Variants in CCDC30 observed in about 807,000 individuals in gnomAD.
CCDC30 encodes coiled-coil domain containing 30.
A neutral mutation model predicts 100.2 loss-of-function variants in CCDC30; 70 were observed. The observed-to-expected ratio is 0.70, with a 90% CI of 0.58 to 0.85. The LOEUF (loss-of-function observed/expected upper bound fraction) is 0.85, where lower values mean the gene tolerates loss of function less well. Ranked by LOEUF, CCDC30 falls within the 40% of genes least tolerant of loss-of-function variation. CCDC30 has a pLI of 0.00. For synonymous variants in CCDC30, 233 were observed against 269.5 expected (o/e 0.86, Z 1.33); for missense variants, 652 against 771.2 (o/e 0.85, Z 1.83).
chr1:42,516,834 T>C (rs990764986), intron 6 of CCDC30, among the ~76,000 whole-genome samples: 15 of 152,296 alleles, frequency 9.8e-5, no homozygotes, highest in African/African-American at 3.6e-4. Context: ...TAGTATCTCA[T>C]AGTGGTTTTG....
At chr1:42,484,550 G>A (rs1644019277) in intron 3 of CCDC30, among the ~76,000 whole-genome samples, 1 of 152,162 alleles carries the variant, frequency 6.6e-6, no homozygotes, top group Non-Finnish European at 1.5e-5. Context: ...TCCACAGTGA[G>A]TCTATTAGGA....
At position 42,518,639 on chromosome 1, in the gene CCDC30, T is replaced by A. The variant is rs141691409; in HGVS notation, c.456+19723T>A. Among the ~76,000 whole-genome samples, 98 of 152,296 alleles carry A rather than the reference T, an allele frequency of 6.4e-4. 1 individual carries two copies. The East Asian group carries it at 0.017, about 26-fold the overall frequency. ...TGTGTAATAGGATATACCATCTAGG[T>A]TTGTGTAAGTACATTCTATGATGTT... On this transcript the variant is annotated intron_variant, in intron 6 of 16. Transcript: ENST00000668663.
chr1:42,457,152 A>G, the CCDC30 span: 19 of 1,593,160 alleles, frequency 1.2e-5, no homozygotes, highest in East Asian at 1.3e-4. Context: ...CCTCCTGCTT[A>G]CCCACGGATC....
At chr1:42,553,181 T>A (rs1645289507) in intron 6 of CCDC30, among the ~76,000 whole-genome samples, 1 of 152,152 alleles carries the variant, frequency 6.6e-6, no homozygotes, top group African/African-American at 2.4e-5. Flanking sequence ...AGACTTTTGT[T>A]TGGACTTTTT....
chr1:42,456,394 T>C, the CCDC30 span: 1 of 764,614 alleles, frequency 1.3e-6, no homozygotes, highest in Non-Finnish European at 2.0e-6. Context: ...TTCGCTGGGC[T>C]CTGGGGCAGA....
chr1:42,461,650 C>CAGGG (rs1557780652), upstream of CCDC30, among the ~76,000 whole-genome samples: 1 of 151,816 alleles, frequency 6.6e-6, no homozygotes, highest in Non-Finnish European at 1.5e-5. Context: ...GGGTTCACAC[C>CAGGG]ATTCTCCTTC....
chr1:42,464,101 AC>A (rs1643492279), intron 1 of CCDC30: 1 of 152,222 alleles, frequency 6.6e-6, no homozygotes, highest in Admixed American at 6.5e-5. Context: ...TGCTTTGCGT[AC>A]CTAAGTATTT....
At chr1:42,608,048 T>C (rs1444182901) in intron 10 of CCDC30, among the ~76,000 whole-genome samples, 1 of 151,574 alleles carries the variant, frequency 6.6e-6, no homozygotes, top group Non-Finnish European at 1.5e-5. Flanking sequence ...CCTTTAAGGC[T>C]CATTACCATG....
intron 11 of CCDC30, among the ~76,000 whole-genome samples, chr1:42,616,113 G>T (rs971193581): frequency 6.6e-6 from 1 of 151,904 alleles, no homozygotes; most frequent in African/African-American, 2.4e-5. Context: ...ACAGGGTTTC[G>T]CCATATTGGC....
Position 42,654,018 on chromosome 1 carries a change from C to A in CCDC30, c.2123C>A (p.Ser708Ter). The A allele has an allele frequency of 1.2e-6, 2 of 1,612,700 alleles. No homozygotes were observed. Among genetic ancestry groups the A allele is most frequent in the South Asian group, 2.2e-5 (2 of 90,998 alleles). The change falls in exon 17 of 17, where the codon TCA (serine) becomes TAA (stop). Residue 708 changes from serine to a stop codon, truncating the protein, a stop_gained. Transcript: ENST00000668663. LOFTEE classifies it high-confidence loss of function. Reference sequence around the variant, plus strand: ...GGTATACAAGAACAAGACCAAAAGTCAGAACTATAAAATCACTGGTGCCTA... The same window carrying A: ...GGTATACAAGAACAAGACCAAAAGTAAGAACTATAAAATCACTGGTGCCTA...
At chr1:42,568,620 G>T (rs1213352893) in intron 7 of CCDC30, among the ~76,000 whole-genome samples, 1 of 151,914 alleles carries the variant, frequency 6.6e-6, no homozygotes, top group African/African-American at 2.4e-5. Flanking sequence ...ACAAACTTAG[G>T]ACTCACTTTT....
chr1:42,456,928 G>A, the CCDC30 span: 2 of 1,608,786 alleles, frequency 1.2e-6, no homozygotes, highest in African/African-American at 1.3e-5. Context: ...TGGAGGCCGA[G>A]GAGAATGCAC....
At chr1:42,578,514 C>T (rs1359148892) in intron 8 of CCDC30, among the ~76,000 whole-genome samples, 3 of 152,020 alleles carry the variant, frequency 2.0e-5, no homozygotes, top group Non-Finnish European at 4.4e-5. Context: ...GGTTACTTTA[C>T]CATATGGATG....
At chr1:42,518,542 T>C (rs1420944298) in intron 6 of CCDC30, among the ~76,000 whole-genome samples, 1 of 152,194 alleles carries the variant, frequency 6.6e-6, no homozygotes, top group Non-Finnish European at 1.5e-5. Context: ...TAATTGCCTA[T>C]AGTATTTAAT....
chr1:42,577,316 G>GGGCCGGGCGCGGTGGCTC, intron 8 of CCDC30, 87 bp downstream of exon 12: 1 of 856,998 alleles, frequency 1.2e-6, no homozygotes, highest in Non-Finnish European at 1.8e-6. Flanking sequence ...AAATAAATAT[G>GGGCCGGGCGCGGTGGCTC]ATGCAGACTT....
intron 6 of CCDC30, among the ~76,000 whole-genome samples, chr1:42,525,755 C>T (rs566560691): frequency 8.5e-5 from 13 of 152,204 alleles, no homozygotes; most frequent in African/African-American, 2.6e-4. Flanking sequence ...TTTTAAGCTT[C>T]CTTAGGGCAG....
chr1:42,456,122 G>A, the CCDC30 span: 14 of 736,208 alleles, frequency 1.9e-5, no homozygotes, highest in Middle Eastern at 6.5e-4. Flanking sequence ...GCGGCGGGAC[G>A]TGACTCGACT....
chr1:42,498,811 A>G lies in CCDC30; in HGVS notation c.358-7A>G. 1.6e-6 allele frequency: 2 copies of G among 1,223,234 alleles called. No homozygotes were observed. Among genetic ancestry groups the G allele is most frequent in the Non-Finnish European group, 2.0e-6 (2 of 978,060 alleles). 75.8% of individuals were successfully genotyped at this position (1,223,234 alleles called of 1,614,324 possible). A position where few individuals can be genotyped will look rare whatever the true frequency, so the allele number is the denominator to read the frequency against. On this transcript the variant is annotated splice_polypyrimidine_tract_variant and splice_region_variant and intron_variant, in intron 5 of 16. Coordinates refer to ENST00000668663, the Ensembl canonical transcript of CCDC30. ...AAGTCTACAAGGTGTTTACTTTTGTATTTAAGGTTGAAAGACTTAAAGGAG... is the reference window on the plus strand; with the variant it reads ...AAGTCTACAAGGTGTTTACTTTTGTGTTTAAGGTTGAAAGACTTAAAGGAG...
intron 6 of CCDC30, among the ~76,000 whole-genome samples, chr1:42,521,698 C>A (rs1465177853): frequency 6.6e-6 from 1 of 151,912 alleles, no homozygotes; most frequent in East Asian, 1.9e-4. Flanking sequence ...CCCTTCAATT[C>A]TGTAAATTTT....
Sources: gnomAD v4.1 joint callset for allele counts (sites outside exome capture counted in the v4.1 genomes callset) on GRCh38, gnomAD v4.1.1 for gene constraint, MANE v1.5 for transcripts, NCBI Gene and HGNC (gene_info 2026-07-23, HGNC 2026-07-21) for gene names.